Variants in LHFPL6 observed in about 807,000 individuals in gnomAD.
LHFPL6 encodes the protein LHFPL tetraspan subfamily member 6, also known as LHFPL tetraspan subfamily member 6 protein.
In LHFPL6, 9 loss-of-function variants were observed where a neutral mutation model predicts 20.6. The ratio of observed to expected loss-of-function variants is 0.44; its 90% CI spans 0.26 to 0.76. The LOEUF is 0.76. LHFPL6 is among the 30% of genes least tolerant of loss of function. The pLI is 0.20. For synonymous variants in LHFPL6, 105 were observed against 98.7 expected, an observed-to-expected ratio of 1.06 and a Z score of -0.38; for missense variants, 218 against 253.5, an observed-to-expected ratio of 0.86 and a Z score of 0.95.
rs1285906861 is a variant in LHFPL6 at position 39,503,052 on chromosome 13, C to CGGTG, written c.385+97779_385+97780insCACC. ...GGATTACAGCCACAAGCCACCACACCTAGCCAATAAATGCATTTTCAATTA... is the reference window on the plus strand; with the variant it reads ...GGATTACAGCCACAAGCCACCACACCGGTGTAGCCAATAAATGCATTTTCAATTA... On this transcript the variant is annotated intron_variant, in intron 2 of 3. Transcript: ENST00000379589. Among the ~76,000 whole-genome samples, 14 of 152,268 alleles carry CGGTG rather than the reference C, an allele frequency of 9.2e-5. No homozygotes were observed. The East Asian group carries it at 2.7e-3, about 29-fold the overall frequency.
At chr13:39,359,231 G>A (rs1412928870) in intron 3 of LHFPL6, among the ~76,000 whole-genome samples, 2 of 152,100 alleles carry the variant, frequency 1.3e-5, no homozygotes, top group Non-Finnish European at 2.9e-5. Context: ...CGCTGCTGGC[G>A]GGAATGTAAA....
At chr13:39,523,352 G>A (rs943363778) in intron 2 of LHFPL6, among the ~76,000 whole-genome samples, 1 of 152,040 alleles carries the variant, frequency 6.6e-6, no homozygotes, top group African/African-American at 2.4e-5. Flanking sequence ...GGCGGATCAC[G>A]AGGTCAGGAG....
At chr13:39,557,698 A>T (rs1014182504) in intron 2 of LHFPL6, among the ~76,000 whole-genome samples, 1 of 152,180 alleles carries the variant, frequency 6.6e-6, no homozygotes, top group African/African-American at 2.4e-5. Flanking sequence ...TCATGTTGAG[A>T]TGTGATCCCC....
intron 2 of LHFPL6, among the ~76,000 whole-genome samples, chr13:39,592,561 C>A (rs2138549985): frequency 6.6e-6 from 1 of 152,314 alleles, no homozygotes; most frequent in African/African-American, 2.4e-5. Context: ...GAGCTGGTAC[C>A]ATTCCTTCTG....
intron 2 of LHFPL6, among the ~76,000 whole-genome samples, chr13:39,406,907 G>A (rs2138383585): frequency 6.6e-6 from 1 of 152,248 alleles, no homozygotes; most frequent in Admixed American, 6.5e-5. Context: ...TAGCCTAGAG[G>A]TAAGTTCTGA....
At chr13:39,389,302 A>C (rs1870646852) in intron 2 of LHFPL6, among the ~76,000 whole-genome samples, 1 of 152,182 alleles carries the variant, frequency 6.6e-6, no homozygotes, top group Non-Finnish European at 1.5e-5. Context: ...GGAAGAAAGG[A>C]AGAGTGAGCT....
chr13:39,590,221 C>T (rs1240954327), intron 2 of LHFPL6, among the ~76,000 whole-genome samples: 2 of 152,104 alleles, frequency 1.3e-5, no homozygotes, highest in East Asian at 3.9e-4. Context: ...ATAAGTTCTA[C>T]AGATCAAGGG....
intron 2 of LHFPL6, among the ~76,000 whole-genome samples, chr13:39,458,484 G>T (rs1232565015): frequency 1.3e-5 from 2 of 152,026 alleles, no homozygotes; most frequent in Non-Finnish European, 2.9e-5. Flanking sequence ...ATCACTTGAG[G>T]TCAGAAGTTC....
At chr13:39,354,925 C>T (rs1002722971) in intron 3 of LHFPL6, among the ~76,000 whole-genome samples, 10 of 151,600 alleles carry the variant, frequency 6.6e-5, no homozygotes, top group African/African-American at 1.5e-4. Context: ...GCCACACCTA[C>T]GACTCACTGG....
chr13:39,444,792 C>T (rs1237718870), intron 2 of LHFPL6, among the ~76,000 whole-genome samples: 1 of 152,208 alleles, frequency 6.6e-6, no homozygotes, highest in Non-Finnish European at 1.5e-5. Context: ...AGACTTGTCA[C>T]AGGGGTGGAG....
rs1442404536 is a variant in LHFPL6 at position 39,410,185 on chromosome 13, GA to G, written c.386-31660del. The stretch of plus-strand genomic sequence containing the variant: ...AAAATTTGCTAGTGGTGATTTGAAA[GA>G]AAAAAAGAAACCTAAGACACAAAAA... On this transcript the variant is annotated intron_variant, in intron 2 of 3. Transcript: ENST00000379589. 2.0e-4 allele frequency among the ~76,000 whole-genome samples: 30 copies of G among 152,066 alleles called. 1 individual carries two copies. The highest frequency in any genetic ancestry group is 2.0e-3 in the Admixed American group (30 of 15,278).
At chr13:39,509,460 G>T (rs1473937846) in intron 2 of LHFPL6, among the ~76,000 whole-genome samples, 1 of 151,954 alleles carries the variant, frequency 6.6e-6, no homozygotes, top group Non-Finnish European at 1.5e-5. Flanking sequence ...ATTAACTCTG[G>T]ATTAAGGTAT....
rs1868815555 is a variant in LHFPL6 at position 39,488,880 on chromosome 13, C to A, written c.386-110354G>T. On this transcript the variant is annotated intron_variant, in intron 2 of 3. Coordinates refer to ENST00000379589, the MANE Select transcript of LHFPL6 (RefSeq NM_005780.3). Reference sequence around the variant, plus strand: ...ATCAATAACCACCTCTTGGATTCAACCATGGGACTTTGCAGATACAGCTTT... The same window carrying A: ...ATCAATAACCACCTCTTGGATTCAAACATGGGACTTTGCAGATACAGCTTT... Among the ~76,000 whole-genome samples, 3 of 152,096 alleles carry A rather than the reference C, an allele frequency of 2.0e-5. No individual in the cohort carries two copies. In the East Asian group the frequency reaches 5.8e-4, roughly 30 times the overall value.
At chr13:39,394,243 A>C (rs571770080) in intron 2 of LHFPL6, among the ~76,000 whole-genome samples, 2 of 152,200 alleles carry the variant, frequency 1.3e-5, no homozygotes, top group South Asian at 4.1e-4. Context: ...CCGAGCCCCA[A>C]ATTTCCTCTT....
At chr13:39,355,966 T>C (rs1026816545) in intron 3 of LHFPL6, among the ~76,000 whole-genome samples, 1 of 152,168 alleles carries the variant, frequency 6.6e-6, no homozygotes, top group Non-Finnish European at 1.5e-5. Flanking sequence ...CTGACAGTGT[T>C]AGGCAGATCA....
chr13:39,357,309 T>C (rs1869751512), intron 3 of LHFPL6, among the ~76,000 whole-genome samples: 1 of 152,128 alleles, frequency 6.6e-6, no homozygotes, highest in African/African-American at 2.4e-5. Flanking sequence ...TAATGCATGA[T>C]AAAACCCTCA....
At chr13:39,568,317 C>T (rs2324341) in intron 2 of LHFPL6, among the ~76,000 whole-genome samples, 1 of 151,476 alleles carries the variant, frequency 6.6e-6, no homozygotes, top group Admixed American at 6.6e-5. Flanking sequence ...TAAACTTAAG[C>T]AGGAAAAACA....
chr13:39,352,231 T>C (rs1869587135), intron 3 of LHFPL6, among the ~76,000 whole-genome samples: 1 of 152,254 alleles, frequency 6.6e-6, no homozygotes, highest in South Asian at 2.1e-4. Flanking sequence ...CCTCTAGATA[T>C]GGTCCCAGAC....
chr13:39,372,976 C>T (rs1870199003), intron 3 of LHFPL6, among the ~76,000 whole-genome samples: 1 of 152,186 alleles, frequency 6.6e-6, no homozygotes, highest in South Asian at 2.1e-4. Flanking sequence ...TGCAACCTAT[C>T]TCTCCATGTC....
Sources: allele counts gnomAD v4.1 joint callset (sites outside exome capture counted in the v4.1 genomes callset), GRCh38; gene constraint gnomAD v4.1.1; transcripts MANE v1.5; gene names NCBI Gene and HGNC (gene_info 2026-07-23, HGNC 2026-07-21).